The following TMF1 variants were observed in gnomAD, a reference collection of about 807,000 sequenced individuals.
TMF1 encodes TATA element modulatory factor 1.
In TMF1, 71 loss-of-function variants were observed where a neutral mutation model predicts 126.5. The ratio of observed to expected loss-of-function variants is 0.56; its 90% CI spans 0.46 to 0.68. The LOEUF (loss-of-function observed/expected upper bound fraction) is 0.68, where lower values mean the gene tolerates loss of function less well. Ranked by LOEUF, TMF1 falls within the 30% of genes least tolerant of loss-of-function variation. The pLI is 0.00. For synonymous variants in TMF1, 461 were observed against 430.5 expected, an observed-to-expected ratio of 1.07 and a Z score of -0.88; for missense variants, 1,259 against 1,253.2, an observed-to-expected ratio of 1.00 and a Z score of -0.07.
Position 69,047,824 on chromosome 3 carries a change from T to G in TMF1, c.881A>C (p.Gln294Pro). The G allele has an allele frequency of 6.2e-7, 1 of 1,614,076 alleles. No individual in the cohort carries two copies. Among genetic ancestry groups the G allele is most frequent in the Non-Finnish European group, 8.5e-7 (1 of 1,180,022 alleles). The change falls in exon 2 of 17, where the codon CAG (glutamine) becomes CCG (proline). Residue 294 changes from glutamine (Q) to proline (P), a missense_variant. Transcript: ENST00000398559. ...AGGACAAGCAGATGCAGAGAGAAGC[T>G]GAAAAGATGTCTGCATCAAGTGAAG... The part of the protein sequence containing the change: ...SSLHLMQTSF[Q>P]LLSASACPEY...
intron 1 of TMF1, among the ~76,000 whole-genome samples, chr3:69,051,383 G>T (rs189347758): frequency 6.6e-6 from 1 of 152,144 alleles, no homozygotes. Context: ...GCTGGGGAAG[G>T]AGAATCGCTA....
intron 12 of TMF1, 78 bp from the exon 13 acceptor site, chr3:69,028,070 CATAAAGT>C (rs1425748508): frequency 7.0e-6 from 8 of 1,138,284 alleles, no homozygotes; most frequent in Admixed American, 2.2e-5. Context: ...AAGTTAGAAG[CATAAAGT>C]ATAAACTCAT....
At chr3:69,043,942 C>G (rs889449178) in intron 3 of TMF1, 66 bp from the exon 4 acceptor site, 39 of 1,314,402 alleles carry the variant, frequency 3.0e-5, no homozygotes, top group Non-Finnish European at 3.9e-5. Flanking sequence ...TACATGAGTT[C>G]AATTCTCAAA....
intron 8 of TMF1, among the ~76,000 whole-genome samples, chr3:69,036,502 G>A (rs888242722): frequency 6.6e-6 from 1 of 152,186 alleles, no homozygotes. Context: ...GAATGTGTAT[G>A]TACGCAGAAC....
Position 69,020,555 on chromosome 3 carries a change from T to C in TMF1, c.*2622A>G, listed in dbSNP as rs568474492. 40 of 152,294 alleles carry C rather than the reference T, an allele frequency of 2.6e-4. No individual in the cohort carries two copies. Among genetic ancestry groups the C allele is most frequent in the African/African-American group, 9.6e-4 (40 of 41,572 alleles). 9.4% of individuals were successfully genotyped at this position (152,294 alleles called of 1,614,324 possible). ...CAAATCATTTTCCTATCCATTAAAATATAAATATTATTTTGCAAGAATATG... is the reference window on the plus strand; with the variant it reads ...CAAATCATTTTCCTATCCATTAAAACATAAATATTATTTTGCAAGAATATG... On this transcript the variant is annotated 3_prime_UTR_variant, in exon 17 of 17. Transcript: ENST00000398559.
intron 4 of TMF1, 89 bp from the exon 5 acceptor site, chr3:69,043,001 CATA>C: frequency 2.3e-6 from 2 of 888,724 alleles, no homozygotes; most frequent in Non-Finnish European, 3.5e-6. Flanking sequence ...AGAAGCTGTC[CATA>C]ATCACATTTG....
intron 5 of TMF1, chr3:69,042,577 AG>A (rs2091873292): frequency 1.6e-6 from 1 of 627,610 alleles, no homozygotes; most frequent in Admixed American, 2.1e-5. Flanking sequence ...TCTATTTTAC[AG>A]GGACTTACTT....
Position 69,046,205 on chromosome 3 carries a change from G to T in TMF1, c.1347+1153C>A, listed in dbSNP as rs188908405. ...GTATCAGTATAAAGCTAAACAAAAA[G>T]TAATGCTTGGAATGTCTAATTCCTT... is the stretch of plus-strand genomic sequence containing the variant. On this transcript the variant is annotated intron_variant, in intron 2 of 16. Coordinates refer to ENST00000398559, the MANE Select transcript of TMF1 (RefSeq NM_007114.3). Among the ~76,000 whole-genome samples the T allele has an allele frequency of 6.5e-3, 983 of 152,254 alleles. 7 individuals are homozygous for T. Among genetic ancestry groups the T allele is most frequent in the Non-Finnish European group, 0.01 (686 of 68,020 alleles).
chr3:69,021,677 AAG>A lies in TMF1; in HGVS notation c.*1498_*1499del, dbSNP rs1483866289. 3.3e-5 allele frequency: 5 copies of A among 151,384 alleles called. No individual in the cohort carries two copies. Among genetic ancestry groups the A allele is most frequent in the African/African-American group, 7.2e-5 (3 of 41,450 alleles). 9.4% of individuals were successfully genotyped at this position (151,384 alleles called of 1,614,324 possible). ...TTTTAATTTTAACTAAAAATTAAAT[AAG>A]AGTTTGTTTTTTTTTTTTTGAGACG... On this transcript the variant is annotated 3_prime_UTR_variant, in exon 17 of 17. Coordinates refer to ENST00000398559, the MANE Select transcript of TMF1 (RefSeq NM_007114.3).
chr3:69,048,835 T>A (rs1464511470), intron 1 of TMF1: 3 of 304,848 alleles, frequency 9.8e-6, no homozygotes, highest in African/African-American at 6.5e-5. Flanking sequence ...GATGCGAGTA[T>A]GTTATTCCTC....
Position 69,052,274 on chromosome 3 carries a change from CG to C in TMF1, c.-189del, listed in dbSNP as rs2091935822. Reference sequence around the variant, plus strand: ...CTCGGCCGTTCCCGCACAGCTGAGACGAAGGGGGCCCATGTGCGCATGCGCT... The same window carrying C: ...CTCGGCCGTTCCCGCACAGCTGAGACAAGGGGGCCCATGTGCGCATGCGCT... On this transcript the variant is annotated 5_prime_UTR_variant, in exon 1 of 17. An upstream open reading frame in the 5' UTR gains an earlier in-frame stop. Coordinates refer to ENST00000398559, the MANE Select transcript of TMF1 (RefSeq NM_007114.3). The C allele has an allele frequency of 1.9e-6, 1 of 529,030 alleles. No homozygotes were observed. Among genetic ancestry groups the C allele is most frequent in the South Asian group, 2.7e-5 (1 of 36,780 alleles). 32.8% of individuals were successfully genotyped at this position (529,030 alleles called of 1,614,324 possible). A position where few individuals can be genotyped will look rare whatever the true frequency, so the allele number is the denominator to read the frequency against.
chr3:69,029,729 C>A (rs1217786410), intron 11 of TMF1, 86 bp downstream of exon 11: 3 of 1,327,688 alleles, frequency 2.3e-6, no homozygotes, highest in Non-Finnish European at 3.1e-6. Flanking sequence ...GCGTGAGCCA[C>A]GGCGCCCGGC....
chr3:69,052,183 A>G lies in TMF1; in HGVS notation c.-97T>C. On this transcript the variant is annotated 5_prime_UTR_variant, in exon 1 of 17. Coordinates refer to ENST00000398559, the MANE Select transcript of TMF1 (RefSeq NM_007114.3). ...AGGAACGGCTTCGCTCCCCTTTTCC[A>G]CTCGGCTGGTTCTGTCAGCGTGTGG... The G allele has an allele frequency of 7.4e-7, 1 of 1,349,852 alleles. No homozygotes were observed. 83.6% of individuals were successfully genotyped at this position (1,349,852 alleles called of 1,614,324 possible).
chr3:69,025,927 T>A (rs867219493), intron 14 of TMF1, 69 bp downstream of exon 14: 34 of 1,347,602 alleles, frequency 2.5e-5, no homozygotes, highest in South Asian at 1.3e-4. Context: ...TGACAGACAA[T>A]ATTGCCATTT....
rs1242331425 is a variant in TMF1, at chr3:69,022,949, TA to T, written c.*227del. The T allele has an allele frequency of 1.6e-5, 6 of 379,718 alleles. No homozygotes were observed. Among genetic ancestry groups the T allele is most frequent in the Non-Finnish European group, 2.3e-5 (5 of 215,050 alleles). 23.5% of individuals were successfully genotyped at this position (379,718 alleles called of 1,614,324 possible). A position where few individuals can be genotyped will look rare whatever the true frequency, so the allele number is the denominator to read the frequency against. On this transcript the variant is annotated 3_prime_UTR_variant, in exon 17 of 17. Transcript: ENST00000398559. ...ATTCAAGGAAAAAAAATGAATGCTT[TA>T]AAAAATAAATCTTTAAAGAATAGTT...
At chr3:69,028,527 C>T (rs2091782178) in intron 11 of TMF1, among the ~76,000 whole-genome samples, 1 of 152,162 alleles carries the variant, frequency 6.6e-6, no homozygotes, top group Non-Finnish European at 1.5e-5. Context: ...TATTGGTGCT[C>T]TGGGTTAAGA....
At chr3:69,042,046 TA>T (rs1230740236) in intron 5 of TMF1, among the ~76,000 whole-genome samples, 3 of 152,160 alleles carry the variant, frequency 2.0e-5, no homozygotes, top group Non-Finnish European at 2.9e-5. Context: ...TTTATTTATT[TA>T]TTTTTTTGAG....
chr3:69,044,206 T>C (rs973333607), intron 3 of TMF1, among the ~76,000 whole-genome samples: 7 of 152,196 alleles, frequency 4.6e-5, no homozygotes, highest in Non-Finnish European at 8.8e-5. Context: ...AACTGTGTTA[T>C]TGATTAACAC....
chr3:69,039,408 T>G, intron 6 of TMF1, 143 bp downstream of exon 6: 1 of 978,372 alleles, frequency 1.0e-6, no homozygotes, highest in Non-Finnish European at 1.4e-6. Flanking sequence ...GGCTAAAAAA[T>G]CTTATCATTT....
Sources: gnomAD v4.1 joint callset for allele counts (sites outside exome capture counted in the v4.1 genomes callset) on GRCh38, gnomAD v4.1.1 for gene constraint, MANE v1.5 for transcripts, NCBI Gene and HGNC (gene_info 2026-07-23, HGNC 2026-07-21) for gene names.